NTF3: variants seen among roughly 807,000 people sequenced by gnomAD.
NTF3 encodes the protein neurotrophin 3.
Under a neutral mutation model 26.3 loss-of-function variants are expected in NTF3, and 8 were observed. The observed-to-expected ratio is 0.30, with a 90% CI of 0.18 to 0.55. The LOEUF (loss-of-function observed/expected upper bound fraction) is 0.55. Among genes scored for constraint, NTF3 ranks in the 20% least tolerant of loss-of-function variants. NTF3 has a pLI of 0.93. For missense variants in NTF3, 276 were observed against 352.9 expected (o/e 0.78, Z 1.75); for synonymous variants, 154 against 145.5 (o/e 1.06, Z -0.42).
At chr12:5,492,010 G>A (rs1047275456) in intron 1 of NTF3, among the ~76,000 whole-genome samples, 3 of 151,938 alleles carry the variant, frequency 2.0e-5, no homozygotes, top group Non-Finnish European at 4.4e-5. Flanking sequence ...CACCGTACCC[G>A]GCCTTTCTCC....
intron 1 of NTF3, among the ~76,000 whole-genome samples, chr12:5,475,085 T>A (rs1427884468): frequency 6.6e-6 from 1 of 151,534 alleles, no homozygotes; most frequent in Non-Finnish European, 1.5e-5. Context: ...GGTCTGTGCC[T>A]GGAGATGTGA....
At chr12:5,464,466 C>G (rs1251903171) in intron 1 of NTF3, among the ~76,000 whole-genome samples, 1 of 152,132 alleles carries the variant, frequency 6.6e-6, no homozygotes, top group African/African-American at 2.4e-5. Context: ...GTGAAATAAA[C>G]CCATCATTAA....
intron 1 of NTF3, among the ~76,000 whole-genome samples, chr12:5,470,074 G>A (rs138681332): frequency 0.011 from 1,631 of 152,206 alleles, 30 homozygotes; most frequent in African/African-American, 0.037. Flanking sequence ...ACAGGTGCCC[G>A]CCACCATGCC....
intron 1 of NTF3, among the ~76,000 whole-genome samples, chr12:5,488,349 T>C (rs1591608216): frequency 6.6e-6 from 1 of 152,306 alleles, no homozygotes; most frequent in Non-Finnish European, 1.5e-5. Flanking sequence ...CCTTTGAGCG[T>C]CATCTGTGCA....
chr12:5,494,815 G>T lies in NTF3; in HGVS notation c.640G>T (p.Val214Phe), dbSNP rs200719143. 9 of 1,613,996 alleles carry T rather than the reference G, an allele frequency of 5.6e-6. No homozygotes were observed. The highest frequency in any genetic ancestry group is 2.7e-5 in the African/African-American group (2 of 74,876). The change falls in exon 2 of 2, where the codon GTC becomes TTC. Residue 214 changes from valine to phenylalanine, a missense_variant. Val to Phe is a conservative substitution (Grantham distance 50). Around this residue, in one of 3 missense-constraint regions of NTF3, gnomAD observed 52 missense variants for 78.4 expected, o/e 0.66. Coordinates refer to ENST00000423158, the MANE Select transcript of NTF3 (RefSeq NM_001102654.2). This position sits in a 1 kb window ranked among gnomAD's most constrained non-coding sequence, Gnocchi z 8.3. ...AACGCGATGTAAGGAAGCCAGGCCG[G>T]TCAAAAACGGTTGCAGGGGTATTGA... ...YETRCKEARPVKNGCRGIDDK... is the reference protein window; with the variant it reads ...YETRCKEARPFKNGCRGIDDK...
rs370629092 is a variant in NTF3, at chr12:5,493,508, A to T, written c.19-686A>T. On this transcript the variant is annotated intron_variant, in intron 1 of 1. Coordinates refer to ENST00000423158, the MANE Select transcript of NTF3 (RefSeq NM_001102654.2). Reference sequence around the variant, plus strand: ...CGTTTTGTGGAGAGCGTCCCCGGGGATGGAGCAGATCAGTTGGTGATGCGT... The same window carrying T: ...CGTTTTGTGGAGAGCGTCCCCGGGGTTGGAGCAGATCAGTTGGTGATGCGT... Among the ~76,000 whole-genome samples, 157 of 152,114 alleles carry T rather than the reference A, an allele frequency of 1.0e-3. 1 individual carries two copies. Among genetic ancestry groups the T allele is most frequent in the African/African-American group, 3.6e-3 (150 of 41,482 alleles).
In NTF3 at chr12:5,494,591, G is replaced by T. The variant is rs757294999; in HGVS notation, c.416G>T (p.Ser139Ile). 1 of 1,614,006 alleles carries T rather than the reference G, an allele frequency of 6.2e-7. No homozygotes were observed. Among genetic ancestry groups the T allele is most frequent in the Non-Finnish European group, 8.5e-7 (1 of 1,180,042 alleles). ...TATCTCATGGAGGATTACGTGGGCA[G>T]CCCCGTGGTGGCGAACAGAACATCA... ...PLYLMEDYVGSPVVANRTSRR... is the reference protein window; with the variant it reads ...PLYLMEDYVGIPVVANRTSRR... Residue 139 changes from serine to isoleucine, a missense_variant, in exon 2 of 2, where the codon AGC becomes ATC. Ser to Ile is a moderately radical substitution (Grantham distance 142). Coordinates refer to ENST00000423158, the MANE Select transcript of NTF3 (RefSeq NM_001102654.2). The surrounding 1 kb of genome is among the most constrained non-coding windows in gnomAD (Gnocchi z 8.3).
intron 1 of NTF3, among the ~76,000 whole-genome samples, chr12:5,438,749 T>C (rs1940203263): frequency 6.6e-6 from 1 of 152,218 alleles, no homozygotes; most frequent in Admixed American, 6.5e-5. Context: ...CTGGGCTCTG[T>C]CACTAATTAG....
chr12:5,464,639 T>C (rs1371828342), intron 1 of NTF3, among the ~76,000 whole-genome samples: 2 of 152,288 alleles, frequency 1.3e-5, no homozygotes, highest in East Asian at 1.9e-4. Context: ...TACTAACTGC[T>C]GAAGGTGAGT....
At position 5,440,570 on chromosome 12, in the gene NTF3, C is replaced by A. The variant is rs535684129; in HGVS notation, c.18+8228C>A. Among the ~76,000 whole-genome samples the A allele has an allele frequency of 1.4e-4, 22 of 152,306 alleles. No homozygotes were observed. The South Asian group carries it at 4.3e-3, about 30-fold the overall frequency. On this transcript the variant is annotated intron_variant, in intron 1 of 1. Transcript: ENST00000423158. ...AAGAGGAAGACACAGCTCTAGAAAT[C>A]ACCTGCTTTCCCAACAGGTGTGTCC...
At chr12:5,435,031 A>G (rs182656408) in intron 1 of NTF3, among the ~76,000 whole-genome samples, 594 of 152,272 alleles carry the variant, frequency 3.9e-3, no homozygotes, top group Non-Finnish European at 6.8e-3. Context: ...CTTCCTCCCC[A>G]GAGAGAAGAG....
At chr12:5,442,559 T>G (rs542126533) in intron 1 of NTF3, among the ~76,000 whole-genome samples, 15 of 152,228 alleles carry the variant, frequency 9.9e-5, no homozygotes, top group Non-Finnish European at 1.8e-4. Context: ...GCATGTATTG[T>G]CTCTGTGACC....
chr12:5,460,554 G>A (rs1421955392), intron 1 of NTF3, among the ~76,000 whole-genome samples: 2 of 152,212 alleles, frequency 1.3e-5, no homozygotes, highest in Non-Finnish European at 2.9e-5. Context: ...AGTCATCCAA[G>A]GAATTTCTCC....
At chr12:5,486,503 C>T (rs1414467183) in intron 1 of NTF3, among the ~76,000 whole-genome samples, 1 of 152,226 alleles carries the variant, frequency 6.6e-6, no homozygotes, top group Non-Finnish European at 1.5e-5. Flanking sequence ...AATTACTCAG[C>T]AGCCCCTACC....
At chr12:5,437,880 C>T (rs182041693) in intron 1 of NTF3, among the ~76,000 whole-genome samples, 47 of 152,112 alleles carry the variant, frequency 3.1e-4, no homozygotes, top group Admixed American at 2.0e-3. Context: ...ACAGGATGTG[C>T]GTGCGTGCGT....
At chr12:5,472,243 G>A (rs145474364) in intron 1 of NTF3, among the ~76,000 whole-genome samples, 2 of 152,208 alleles carry the variant, frequency 1.3e-5, no homozygotes, top group East Asian at 1.9e-4. Flanking sequence ...TTGGTGTGAC[G>A]GGAAGGGAAA....
At chr12:5,459,670 C>A (rs1218455806) in intron 1 of NTF3, among the ~76,000 whole-genome samples, 1 of 152,158 alleles carries the variant, frequency 6.6e-6, no homozygotes, top group East Asian at 1.9e-4. Flanking sequence ...ATGTCCTAGA[C>A]GCAGGTTATC....
chr12:5,465,806 A>C (rs1457212595), intron 1 of NTF3, among the ~76,000 whole-genome samples: 1 of 152,228 alleles, frequency 6.6e-6, no homozygotes, highest in Admixed American at 6.5e-5. Context: ...CCATCAGGGA[A>C]ACCATAGCAG....
At chr12:5,466,276 G>A (rs1470284476) in intron 1 of NTF3, among the ~76,000 whole-genome samples, 2 of 152,182 alleles carry the variant, frequency 1.3e-5, no homozygotes, top group Non-Finnish European at 2.9e-5. Flanking sequence ...TCTGTCCGCT[G>A]CATCCTACAG....
Sources: gnomAD v4.1 joint callset for allele counts (sites outside exome capture counted in the v4.1 genomes callset) on GRCh38, gnomAD v4.1.1 for gene constraint, gnomAD v4.1.1 regional missense constraint, Gnocchi (gnomAD v3.1) non-coding constraint, MANE v1.5 for transcripts, NCBI Gene and HGNC (gene_info 2026-07-23, HGNC 2026-07-21) for gene names.